The following SEZ6L variants were observed in gnomAD, a reference collection of about 807,000 sequenced individuals.
SEZ6L encodes seizure 6-like protein.
In SEZ6L, 37 loss-of-function variants were observed where a neutral mutation model predicts 106.2. That is an observed-to-expected ratio of 0.35 (90% CI 0.27 to 0.46). SEZ6L has a LOEUF of 0.46. Ranked by LOEUF, SEZ6L falls within the 20% of genes least tolerant of loss-of-function variation. The probability of loss-of-function intolerance (pLI) is 1.00; values close to 1 mark genes in which losing one functional copy is unlikely to be tolerated. For missense variants in SEZ6L, 1,172 were observed against 1,332.8 expected (o/e 0.88, Z 1.88); for synonymous variants, 541 against 570.4 (o/e 0.95, Z 0.73).
At chr22:26,200,627 C>G (rs542158234) in intron 1 of SEZ6L, among the ~76,000 whole-genome samples, 1 of 152,216 alleles carries the variant, frequency 6.6e-6, no homozygotes, top group Non-Finnish European at 1.5e-5. Context: ...GCTTTGGTCT[C>G]AGTTAATATG....
chr22:26,312,704 G>A lies in SEZ6L; in HGVS notation c.1876+742G>A, dbSNP rs560014973. The stretch of plus-strand genomic sequence containing the variant: ...TCCTGTCTCAGCCTCCTGAGTAGCT[G>A]GGACTACAGGCGTGTGCCACCACAG... On this transcript the variant is annotated intron_variant, in intron 8 of 16. Transcript: ENST00000248933. 2.0e-5 allele frequency among the ~76,000 whole-genome samples: 3 copies of A among 152,336 alleles called. No individual in the cohort carries two copies. The South Asian group carries it at 6.2e-4, about 32-fold the overall frequency.
chr22:26,325,716 G>A (rs913640859), intron 9 of SEZ6L, among the ~76,000 whole-genome samples: 6 of 151,400 alleles, frequency 4.0e-5, no homozygotes, highest in Non-Finnish European at 8.8e-5. Context: ...TCTGGACCTC[G>A]GTTTCTTTCA....
In SEZ6L at chr22:26,182,498, G is replaced by A. The variant is rs143801945; in HGVS notation, c.94+12735G>A. Among the ~76,000 whole-genome samples the A allele has an allele frequency of 2.1e-3, 326 of 152,144 alleles. 1 individual carries two copies. Among genetic ancestry groups the A allele is most frequent in the African/African-American group, 7.3e-3 (305 of 41,512 alleles). The stretch of plus-strand genomic sequence containing the variant: ...TGAGTTGATGTGAGACAAAAATCAG[G>A]AATTTTTGATCAAGAGCTTAGCACA... On this transcript the variant is annotated intron_variant, in intron 1 of 16. Transcript: ENST00000248933.
intron 16 of SEZ6L, among the ~76,000 whole-genome samples, chr22:26,379,185 A>G (rs372976544): frequency 2.6e-5 from 4 of 152,236 alleles, no homozygotes; most frequent in Non-Finnish European, 5.9e-5. Context: ...GGCCACCCGC[A>G]GTTTCTTCCA....
Position 26,351,509 on chromosome 22 carries a change from G to T in SEZ6L, c.2599+266G>T, listed in dbSNP as rs985301519. On this transcript the variant is annotated intron_variant, in intron 12 of 16. Coordinates refer to ENST00000248933, the MANE Select transcript of SEZ6L (RefSeq NM_021115.5). ...TAGCCCTGGGAGCATAGTATACTTT[G>T]TTTTTTTGTTTGTTTGTTTGTTTGT... is the stretch of plus-strand genomic sequence containing the variant. 1,809 of 344,750 alleles carry T rather than the reference G, an allele frequency of 5.2e-3. 7 individuals are homozygous for T. The highest frequency in any genetic ancestry group is 6.8e-3 in the Non-Finnish European group (1,382 of 201,764). 21.4% of individuals were successfully genotyped at this position (344,750 alleles called of 1,614,324 possible). A position where few individuals can be genotyped will look rare whatever the true frequency, so the allele number is the denominator to read the frequency against.
chr22:26,285,935 T>C (rs1178133268), intron 1 of SEZ6L, among the ~76,000 whole-genome samples: 1 of 152,218 alleles, frequency 6.6e-6, no homozygotes, highest in Non-Finnish European at 1.5e-5. Flanking sequence ...GGGCAGTTTG[T>C]AACCGTGATC....
At chr22:26,205,831 A>C (rs915739779) in intron 1 of SEZ6L, among the ~76,000 whole-genome samples, 1 of 152,032 alleles carries the variant, frequency 6.6e-6, no homozygotes, top group Non-Finnish European at 1.5e-5. Flanking sequence ...TTTCTTTTCA[A>C]GCATTTCCCA....
At chr22:26,324,083 CACACACACACACACACACAA>C (rs996455582) in intron 9 of SEZ6L, among the ~76,000 whole-genome samples, 5 of 151,302 alleles carry the variant, frequency 3.3e-5, no homozygotes, top group African/African-American at 1.2e-4. Flanking sequence ...CACACACACA[CACACACACACACACACACAA>C]ACACACACAC....
chr22:26,248,409 C>T (rs1056769087), intron 1 of SEZ6L, among the ~76,000 whole-genome samples: 9 of 152,164 alleles, frequency 5.9e-5, no homozygotes, highest in Admixed American at 1.3e-4. Flanking sequence ...AGCTGGAGTG[C>T]AGAGGCACAA....
At chr22:26,376,986 T>G (rs2084249443) in intron 15 of SEZ6L, among the ~76,000 whole-genome samples, 1 of 151,396 alleles carries the variant, frequency 6.6e-6, no homozygotes, top group Non-Finnish European at 1.5e-5. Context: ...CACCTTTAAA[T>G]AGATGGTCAG....
intron 1 of SEZ6L, among the ~76,000 whole-genome samples, chr22:26,283,204 G>A (rs2080829024): frequency 6.6e-6 from 1 of 152,156 alleles, no homozygotes; most frequent in Non-Finnish European, 1.5e-5. Flanking sequence ...ACAGGCGTGA[G>A]CCACTGCATC....
At chr22:26,364,387 AC>A (rs1233450361) in intron 12 of SEZ6L, among the ~76,000 whole-genome samples, 6 of 148,064 alleles carry the variant, frequency 4.1e-5, no homozygotes, top group Non-Finnish European at 7.4e-5. Context: ...GGAGTTTGAG[AC>A]CAGCTTGGGA....
At chr22:26,192,332 C>T (rs187742737) in intron 1 of SEZ6L, among the ~76,000 whole-genome samples, 2 of 152,332 alleles carry the variant, frequency 1.3e-5, no homozygotes, top group African/African-American at 4.8e-5. Flanking sequence ...GAGTCTCACA[C>T]TCACGTCATA....
rs539007698 is a variant in SEZ6L at position 26,252,562 on chromosome 22, G to C, written c.95-39844G>C. On this transcript the variant is annotated intron_variant, in intron 1 of 16. Coordinates refer to ENST00000248933, the MANE Select transcript of SEZ6L (RefSeq NM_021115.5). ...ACCCAATCTTTAGTTTTTCAGTCTTGTCCCCCTCCCTCACTCCTCCCTCTA... is the reference window on the plus strand; with the variant it reads ...ACCCAATCTTTAGTTTTTCAGTCTTCTCCCCCTCCCTCACTCCTCCCTCTA... 3.3e-5 allele frequency among the ~76,000 whole-genome samples: 5 copies of C among 152,182 alleles called. No homozygotes were observed. In the East Asian group the frequency reaches 7.7e-4, roughly 24 times the overall value.
At chr22:26,378,546 G>GA (rs2084307795) in intron 16 of SEZ6L, among the ~76,000 whole-genome samples, 2 of 152,178 alleles carry the variant, frequency 1.3e-5, no homozygotes, top group Non-Finnish European at 2.9e-5. Context: ...TAAGGACTAT[G>GA]AAAAAATTGA....
intron 1 of SEZ6L, among the ~76,000 whole-genome samples, chr22:26,201,278 T>C (rs1214181805): frequency 3.3e-5 from 5 of 149,826 alleles, no homozygotes; most frequent in Non-Finnish European, 5.9e-5. Flanking sequence ...CCCAGCACTT[T>C]GGGAGGCTGA....
intron 1 of SEZ6L, among the ~76,000 whole-genome samples, chr22:26,174,475 C>T (rs954574389): frequency 1.1e-4 from 16 of 152,276 alleles, no homozygotes; most frequent in Admixed American, 9.2e-4. Context: ...CTGAACTTCA[C>T]GGGCTGGGTA....
intron 2 of SEZ6L, among the ~76,000 whole-genome samples, chr22:26,293,466 G>C (rs1459610706): frequency 3.3e-5 from 5 of 152,188 alleles, no homozygotes; most frequent in Non-Finnish European, 7.3e-5. Flanking sequence ...GAGTAGCTGG[G>C]ACTACAAGCA....
intron 1 of SEZ6L, among the ~76,000 whole-genome samples, chr22:26,235,405 CCATGGGCCAGACA>C (rs1350190867): frequency 6.6e-6 from 1 of 152,110 alleles, no homozygotes; most frequent in Non-Finnish European, 1.5e-5. Context: ...TCAATATTCA[CCATGGGCCAGACA>C]CATTGCTAGG....
Sources: allele counts gnomAD v4.1 joint callset (sites outside exome capture counted in the v4.1 genomes callset), GRCh38; gene constraint gnomAD v4.1.1; transcripts MANE v1.5; gene names NCBI Gene and HGNC (gene_info 2026-07-23, HGNC 2026-07-21).